The following DAB1 variants were observed in gnomAD, a reference collection of about 807,000 sequenced individuals.
DAB1 encodes the protein DAB adaptor protein 1.
Under a neutral mutation model 64.6 loss-of-function variants are expected in DAB1, and 15 were observed. The observed-to-expected ratio is 0.23, with a 90% CI of 0.16 to 0.36. The LOEUF (loss-of-function observed/expected upper bound fraction) is 0.36. Among genes scored for constraint, DAB1 ranks in the 10% least tolerant of loss-of-function variants. The pLI is 1.00. For synonymous variants in DAB1, 235 were observed against 251.9 expected, an observed-to-expected ratio of 0.93 and a Z score of 0.64; for missense variants, 596 against 706.7, an observed-to-expected ratio of 0.84 and a Z score of 1.78.
chr1:58,246,994 A>T (rs1360178555), intron 4 of DAB1, among the ~76,000 whole-genome samples: 2 of 152,096 alleles, frequency 1.3e-5, no homozygotes, highest in African/African-American at 4.8e-5. Flanking sequence ...GTCTATAGTC[A>T]GGAATTTGAA....
chr1:58,275,653 C>G lies in DAB1; in HGVS notation n.309+67699G>C, dbSNP rs570263844. Among the ~76,000 whole-genome samples, 212 of 151,970 alleles carry G rather than the reference C, an allele frequency of 1.4e-3. 1 individual carries two copies. Among genetic ancestry groups the G allele is most frequent in the African/African-American group, 4.9e-3 (203 of 41,504 alleles). On this transcript the variant is annotated intron_variant and non_coding_transcript_variant, in intron 4 of 20. Transcript: ENST00000485760. ...TCATTTTAATGGCTGTTATTAAAAA[C>G]AAAAAATAAAACAAATTTAAAAAGA...
intron 4 of DAB1, among the ~76,000 whole-genome samples, chr1:58,173,410 TC>T (rs1656285722): frequency 6.6e-6 from 1 of 152,148 alleles, no homozygotes; most frequent in Non-Finnish European, 1.5e-5. Flanking sequence ...TAACAAACAG[TC>T]CAGGTTTTGT....
chr1:57,592,689 C>G (rs1003521735), intron 7 of DAB1, among the ~76,000 whole-genome samples: 1 of 152,132 alleles, frequency 6.6e-6, no homozygotes, highest in Non-Finnish European at 1.5e-5. Context: ...ACCACAATTA[C>G]ATTTACACCA....
At chr1:57,639,203 G>T (rs1448237970) in intron 7 of DAB1, among the ~76,000 whole-genome samples, 2 of 129,454 alleles carry the variant, frequency 1.5e-5, no homozygotes, top group East Asian at 2.2e-4. Context: ...TCTTCATAAA[G>T]AACTTTAGTA....
intron 4 of DAB1, among the ~76,000 whole-genome samples, chr1:58,155,235 G>C (rs1160910346): frequency 6.6e-6 from 1 of 152,202 alleles, no homozygotes; most frequent in East Asian, 1.9e-4. Flanking sequence ...AAGTGAAGAA[G>C]TATGTCTATA....
At chr1:58,250,202 C>G (rs2100403115) in intron 4 of DAB1, among the ~76,000 whole-genome samples, 1 of 152,338 alleles carries the variant, frequency 6.6e-6, no homozygotes, top group Non-Finnish European at 1.5e-5. Context: ...CCTCGAGCCT[C>G]TCACGCCGCG....
At chr1:57,392,773 G>A (rs1187155512) in intron 1 of DAB1, among the ~76,000 whole-genome samples, 1 of 152,196 alleles carries the variant, frequency 6.6e-6, no homozygotes, top group East Asian at 1.9e-4. Flanking sequence ...GAAATAGCCA[G>A]AAGATCAACG....
intron 5 of DAB1, among the ~76,000 whole-genome samples, chr1:57,898,853 TATGTGTGC>T (rs1365081260): frequency 6.6e-6 from 1 of 152,198 alleles, no homozygotes; most frequent in Non-Finnish European, 1.5e-5. Context: ...TGTGTGTGTG[TATGTGTGC>T]GTGTGTGCGT....
chr1:57,781,116 CTCTCTCTCTCTA>C (rs1298582204), intron 6 of DAB1, among the ~76,000 whole-genome samples: 9 of 59,060 alleles, frequency 1.5e-4, no homozygotes, highest in Admixed American at 2.3e-4. Context: ...CTCTCTCTCT[CTCTCTCTCTCTA>C]TATATATATA....
At position 57,125,027 on chromosome 1, in the gene DAB1, A is replaced by G. The variant is rs1489351307; in HGVS notation, c.306+11516T>C. On this transcript the variant is annotated intron_variant, in intron 4 of 14. Coordinates refer to ENST00000371236, the MANE Select transcript of DAB1 (RefSeq NM_001365792.1). ...TATAGTTCATAGTGTGATTGTGAGGACAGAATGAGTCAGTGTGCATAATTT... is the reference window on the plus strand; with the variant it reads ...TATAGTTCATAGTGTGATTGTGAGGGCAGAATGAGTCAGTGTGCATAATTT... Among the ~76,000 whole-genome samples, 4 of 148,126 alleles carry G rather than the reference A, an allele frequency of 2.7e-5. No individual in the cohort carries two copies. In the East Asian group the frequency reaches 8.1e-4, roughly 30 times the overall value.
chr1:57,583,637 A>G (rs1442121595), intron 7 of DAB1, among the ~76,000 whole-genome samples: 5 of 152,170 alleles, frequency 3.3e-5, no homozygotes, highest in South Asian at 4.1e-4. Context: ...GCAAACCAGT[A>G]GCCCATGGGC....
intron 9 of DAB1, among the ~76,000 whole-genome samples, chr1:57,036,967 C>T (rs1570563138): frequency 6.6e-6 from 1 of 152,166 alleles, no homozygotes; most frequent in East Asian, 1.9e-4. Context: ...AAAAAAATCT[C>T]ACAAAGGAAG....
At chr1:57,391,870 A>T (rs1682405324) in intron 1 of DAB1, among the ~76,000 whole-genome samples, 1 of 151,906 alleles carries the variant, frequency 6.6e-6, no homozygotes, top group Admixed American at 6.6e-5. Context: ...GGAAAGTTGC[A>T]TTTTTTTAGG....
intron 6 of DAB1, among the ~76,000 whole-genome samples, chr1:57,782,594 T>C (rs1413091945): frequency 6.6e-6 from 1 of 152,180 alleles, no homozygotes; most frequent in Non-Finnish European, 1.5e-5. Context: ...GAACCTGCTG[T>C]CTCTCTCTTG....
chr1:57,543,633 G>A (rs17115968), intron 7 of DAB1, among the ~76,000 whole-genome samples: 5,037 of 152,132 alleles, frequency 0.033, 244 homozygotes, highest in African/African-American at 0.1. Context: ...TGACTCTGTC[G>A]GTAAAAGACT....
At chr1:58,101,502 G>T (rs1337921870) in intron 5 of DAB1, among the ~76,000 whole-genome samples, 1 of 152,042 alleles carries the variant, frequency 6.6e-6, no homozygotes, top group Non-Finnish European at 1.5e-5. Flanking sequence ...TTAAAACGGG[G>T]CTACCTGAAT....
chr1:57,701,556 G>A (rs1383904255), intron 6 of DAB1, among the ~76,000 whole-genome samples: 1 of 152,000 alleles, frequency 6.6e-6, no homozygotes, highest in Non-Finnish European at 1.5e-5. Context: ...GGTAGGGGGA[G>A]GAGGGAGGGA....
intron 4 of DAB1, among the ~76,000 whole-genome samples, chr1:58,303,461 C>A (rs951161303): frequency 3.3e-5 from 5 of 152,092 alleles, no homozygotes. Context: ...GTAAGAAAAA[C>A]CAGGACTTAT....
chr1:57,278,907 G>A (rs1252024938), intron 2 of DAB1, among the ~76,000 whole-genome samples: 1 of 152,144 alleles, frequency 6.6e-6, no homozygotes, highest in African/African-American at 2.4e-5. Flanking sequence ...CTACCTCATA[G>A]GAATGATCTG....
Sources: allele counts gnomAD v4.1 joint callset (sites outside exome capture counted in the v4.1 genomes callset), GRCh38; gene constraint gnomAD v4.1.1; transcripts MANE v1.5; gene names NCBI Gene and HGNC (gene_info 2026-07-23, HGNC 2026-07-21).